Variants in KLHL7 observed in about 807,000 individuals in gnomAD.
KLHL7 encodes kelch-like protein 7.
A neutral mutation model predicts 67.4 loss-of-function variants in KLHL7; 44 were observed. That is an observed-to-expected ratio of 0.65 (90% CI 0.51 to 0.84). The LOEUF is 0.84. KLHL7 is among the 40% of genes least tolerant of loss of function. The pLI is 0.00. For missense variants in KLHL7, 362 were observed against 718.1 expected, an observed-to-expected ratio of 0.50 and a Z score of 5.67; for synonymous variants, 252 against 243.3, an observed-to-expected ratio of 1.04 and a Z score of -0.33.
At chr7:23,147,674 C>T (rs551881749) in intron 6 of KLHL7, among the ~76,000 whole-genome samples, 5 of 152,312 alleles carry the variant, frequency 3.3e-5, no homozygotes, top group African/African-American at 1.2e-4. Flanking sequence ...GGCAGGTCTT[C>T]TCTCTTCTCC....
intron 4 of KLHL7, among the ~76,000 whole-genome samples, chr7:23,127,096 A>G (rs1783602104): frequency 6.6e-6 from 1 of 152,170 alleles, no homozygotes; most frequent in African/African-American, 2.4e-5. Context: ...TAAACGGGGA[A>G]TTACCTTAAT....
intron 4 of KLHL7, among the ~76,000 whole-genome samples, chr7:23,135,863 A>G (rs1034209793): frequency 6.6e-6 from 1 of 152,224 alleles, no homozygotes; most frequent in African/African-American, 2.4e-5. Context: ...ACAAAAAATA[A>G]CCATAAATTC....
chr7:23,140,174 C>T (rs1784127218), intron 4 of KLHL7, among the ~76,000 whole-genome samples: 1 of 152,164 alleles, frequency 6.6e-6, no homozygotes, highest in African/African-American at 2.4e-5. Flanking sequence ...ATGTGATAAG[C>T]TTATTTTAAA....
intron 1 of KLHL7, among the ~76,000 whole-genome samples, chr7:23,120,103 G>A (rs1430118370): frequency 2.6e-5 from 4 of 152,060 alleles, no homozygotes; most frequent in East Asian, 1.9e-4. Flanking sequence ...TTTTGCCCCC[G>A]GGCTCAAGCG....
chr7:23,159,938 T>C (rs1235392124), intron 7 of KLHL7, among the ~76,000 whole-genome samples: 1 of 152,188 alleles, frequency 6.6e-6, no homozygotes, highest in African/African-American at 2.4e-5. Flanking sequence ...TTTGCTCTCC[T>C]TCACTCCTCT....
Position 23,152,219 on chromosome 7 carries a change from T to C in KLHL7, c.936+10T>C. ...ATATTTTAACCCAAAGGTAACTAAT[T>C]TTTATTCTTGGTTTTTGTTGTTGTC... On this transcript the variant is annotated intron_variant, in intron 7 of 10. Transcript: ENST00000339077. 6.2e-7 allele frequency: 1 copy of C among 1,613,514 alleles called. No individual in the cohort carries two copies. Among genetic ancestry groups the C allele is most frequent in the Admixed American group, 1.7e-5 (1 of 60,008 alleles).
intron 4 of KLHL7, chr7:23,129,432 T>C: frequency 2.7e-6 from 1 of 377,110 alleles, no homozygotes; most frequent in Non-Finnish European, 5.3e-6. Context: ...TCTCACCTAA[T>C]ATAGCTGGTT....
At chr7:23,145,825 G>A (rs111472661) in intron 6 of KLHL7, among the ~76,000 whole-genome samples, 1,952 of 152,186 alleles carry the variant, frequency 0.013, 48 homozygotes, top group African/African-American at 0.044. Context: ...TGACCTGTCC[G>A]GCACGAGTGA....
chr7:23,108,590 C>T (rs796212393), intron 1 of KLHL7, among the ~76,000 whole-genome samples: 4 of 152,294 alleles, frequency 2.6e-5, no homozygotes, highest in African/African-American at 9.6e-5. Flanking sequence ...ACTATTCTAA[C>T]TCTGTAACCA....
intron 4 of KLHL7, among the ~76,000 whole-genome samples, chr7:23,135,844 T>G (rs552330117): frequency 6.6e-6 from 1 of 152,220 alleles, no homozygotes; most frequent in South Asian, 2.1e-4. Flanking sequence ...AGAAGCAGTA[T>G]AGTATATTAC....
At chr7:23,161,363 A>G (rs560801390) in intron 7 of KLHL7, among the ~76,000 whole-genome samples, 3 of 152,238 alleles carry the variant, frequency 2.0e-5, no homozygotes, top group South Asian at 2.1e-4. Context: ...AGAGTATTCC[A>G]TCACAAGGAT....
At chr7:23,173,137 G>A in intron 10 of KLHL7, 92 bp downstream of exon 10, 2 of 832,886 alleles carry the variant, frequency 2.4e-6, no homozygotes. Flanking sequence ...CTAGATAGAA[G>A]CATTTACCAT....
At chr7:23,172,770 T>C in intron 9 of KLHL7, 178 bp from the exon 10 acceptor site, 2 of 560,378 alleles carry the variant, frequency 3.6e-6, no homozygotes, top group Non-Finnish European at 6.4e-6. Context: ...CGTGTATTAA[T>C]AAATTACCCA....
intron 7 of KLHL7, among the ~76,000 whole-genome samples, chr7:23,155,172 C>A (rs1452459394): frequency 1.3e-5 from 2 of 152,102 alleles, no homozygotes; most frequent in Non-Finnish European, 2.9e-5. Flanking sequence ...CTGGCTTTCT[C>A]AATAGAAGAC....
intron 4 of KLHL7, among the ~76,000 whole-genome samples, chr7:23,137,515 G>T (rs1203644300): frequency 6.0e-5 from 9 of 149,442 alleles, no homozygotes; most frequent in South Asian, 2.1e-4. Context: ...GTCTCATTCT[G>T]TCGCCCAGGG....
Position 23,123,842 on chromosome 7 carries a change from T to G in KLHL7, c.186T>G (p.Leu62=). The G allele has an allele frequency of 6.2e-7, 1 of 1,613,730 alleles. No individual in the cohort carries two copies. The highest frequency in any genetic ancestry group is 1.1e-5 in the South Asian group (1 of 91,070). The change falls in exon 2 of 11, where the codon CTT becomes CTG. Residue 62 remains leucine, a synonymous_variant. Coordinates refer to ENST00000339077, the MANE Select transcript of KLHL7 (RefSeq NM_001031710.3). ...AGATACCTGCTCATCGTGTTGTTCT[T>G]GCTGCAGCCAGTCATTTTTTTAACT... The part of the protein sequence containing the change: ...ERKIPAHRVV[L]AAASHFFNLM...
intron 2 of KLHL7, 91 bp from the exon 3 acceptor site, chr7:23,124,597 C>T (rs762321751): frequency 2.8e-5 from 22 of 794,030 alleles, no homozygotes; most frequent in Admixed American, 2.8e-4. Flanking sequence ...CGTTATTTTT[C>T]TGCATATTTA....
At chr7:23,114,682 G>A (rs2068621) in intron 1 of KLHL7, among the ~76,000 whole-genome samples, 12,534 of 152,130 alleles carry the variant, frequency 0.082, 1,499 homozygotes, top group African/African-American at 0.26. Flanking sequence ...TGTATCATCC[G>A]AATACCAGCT....
chr7:23,172,865 A>T, intron 9 of KLHL7, 83 bp from the exon 10 acceptor site: 1 of 1,005,584 alleles, frequency 9.9e-7, no homozygotes, highest in Non-Finnish European at 1.6e-6. Context: ...ATGAGCACTT[A>T]ATTAGAATAA....
Sources: allele counts gnomAD v4.1 joint callset (sites outside exome capture counted in the v4.1 genomes callset), GRCh38; gene constraint gnomAD v4.1.1; transcripts MANE v1.5; gene names NCBI Gene and HGNC (gene_info 2026-07-23, HGNC 2026-07-21).